PCDHA7: variants seen among roughly 807,000 people sequenced by gnomAD.
PCDHA7 encodes protocadherin alpha 7.
A neutral mutation model predicts 57.2 loss-of-function variants in PCDHA7; 37 were observed. The ratio of observed to expected loss-of-function variants is 0.65; its 90% CI spans 0.50 to 0.85. PCDHA7 has a LOEUF of 0.85. Among genes scored for constraint, PCDHA7 ranks in the 40% least tolerant of loss-of-function variants. The pLI, the probability that PCDHA7 is intolerant of heterozygous loss-of-function variation, is 0.00. For synonymous variants in PCDHA7, 553 were observed against 558.8 expected, an observed-to-expected ratio of 0.99 and a Z score of 0.15; for missense variants, 1,188 against 1,241.8, an observed-to-expected ratio of 0.96 and a Z score of 0.65.
At chr5:141,006,215 TA>T (rs200576602) in intron 3 of PCDHA7, among the ~76,000 whole-genome samples, 4 of 151,640 alleles carry the variant, frequency 2.6e-5, no homozygotes, top group South Asian at 2.1e-4. Flanking sequence ...CATTTTTTTT[TA>T]AATTTTTTAT....
intron 1 of PCDHA7, chr5:140,862,802 T>C (rs1554156982): frequency 1.7e-6 from 1 of 577,736 alleles, no homozygotes; most frequent in Non-Finnish European, 3.3e-6. Flanking sequence ...GAGCTGGAGC[T>C]GCTGCAGTTC....
At chr5:140,889,415 G>A (rs192243576) in intron 1 of PCDHA7, among the ~76,000 whole-genome samples, 212 of 152,058 alleles carry the variant, frequency 1.4e-3, no homozygotes, top group African/African-American at 5.0e-3. Flanking sequence ...AGTCAGTTAC[G>A]TAGATAATAT....
chr5:140,967,282 G>T, intron 1 of PCDHA7: 1 of 1,613,078 alleles, frequency 6.2e-7, no homozygotes. Flanking sequence ...TAGAGAGTGC[G>T]CAGGACCCCG....
intron 1 of PCDHA7, chr5:140,877,932 A>G: frequency 7.1e-7 from 1 of 1,407,638 alleles, no homozygotes; most frequent in Non-Finnish European, 9.3e-7. Flanking sequence ...TTATGATTCT[A>G]TCCTTTAAAC....
intron 1 of PCDHA7, chr5:140,871,317 G>A: frequency 6.2e-7 from 1 of 1,614,080 alleles, no homozygotes; most frequent in Non-Finnish European, 8.5e-7. Flanking sequence ...AGCCCACGCT[G>A]GTGTGCTCCC....
At chr5:140,876,635 C>T (rs1554168754) in intron 1 of PCDHA7, 1 of 1,614,208 alleles carries the variant, frequency 6.2e-7, no homozygotes, top group East Asian at 2.2e-5. Flanking sequence ...GTCATCTGCT[C>T]ACTGACACCT....
chr5:140,863,388 C>A (rs2047990567), intron 1 of PCDHA7: 2 of 1,000,024 alleles, frequency 2.0e-6, no homozygotes, highest in African/African-American at 1.6e-5. Context: ...AGAGCTCGTG[C>A]ATGCCGGGCA....
chr5:140,926,526 C>G (rs2083305621), intron 1 of PCDHA7: 1 of 209,510 alleles, frequency 4.8e-6, no homozygotes, highest in Non-Finnish European at 9.3e-6. Flanking sequence ...GCCCTGCGCC[C>G]GCAGCCAGCG....
rs1167217103 is a variant in PCDHA7, at chr5:140,852,143, C to G, written c.2355+15405C>G. 4 of 873,950 alleles carry G rather than the reference C, an allele frequency of 4.6e-6. No individual in the cohort carries two copies. The African/African-American group carries it at 7.3e-5, about 16-fold the overall frequency. 54.1% of individuals were successfully genotyped at this position (873,950 alleles called of 1,614,324 possible). A position where few individuals can be genotyped will look rare whatever the true frequency, so the allele number is the denominator to read the frequency against. ...AATTAAAAACTCAGTAGAGAAAGAT[C>G]AGAATGGCCTTGAGAATAGAGCCAC... is the stretch of plus-strand genomic sequence containing the variant. On this transcript the variant is annotated intron_variant, in intron 1 of 3. Transcript: ENST00000525929.
chr5:140,909,072 C>A (rs2074300655), intron 1 of PCDHA7, among the ~76,000 whole-genome samples: 1 of 152,162 alleles, frequency 6.6e-6, no homozygotes, highest in African/African-American at 2.4e-5. Flanking sequence ...CCAATAAGCC[C>A]AGTGTGTTTG....
At chr5:140,851,069 A>T in intron 1 of PCDHA7, 1 of 1,353,390 alleles carries the variant, frequency 7.4e-7, no homozygotes, top group Non-Finnish European at 9.7e-7. Flanking sequence ...TCTAGTGAGA[A>T]TTATAAACTG....
chr5:140,976,354 C>A (rs1331334402), intron 1 of PCDHA7, among the ~76,000 whole-genome samples: 2 of 151,960 alleles, frequency 1.3e-5, no homozygotes, highest in Non-Finnish European at 2.9e-5. Context: ...TGTTCAAGAC[C>A]AGCCTGGCCA....
intron 1 of PCDHA7, among the ~76,000 whole-genome samples, chr5:140,938,406 T>C (rs1283027205): frequency 6.6e-6 from 1 of 152,240 alleles, no homozygotes; most frequent in African/African-American, 2.4e-5. Flanking sequence ...ATTGTTTGAT[T>C]GGGTTTATTT....
intron 1 of PCDHA7, among the ~76,000 whole-genome samples, chr5:140,914,284 G>T (rs781914384): frequency 9.9e-5 from 15 of 152,022 alleles, no homozygotes; most frequent in Non-Finnish European, 2.1e-4. Flanking sequence ...ATTTATAATT[G>T]TTATATCCTC....
chr5:140,870,242 T>A (rs1554163936), intron 1 of PCDHA7: 1 of 1,614,142 alleles, frequency 6.2e-7, no homozygotes, highest in East Asian at 2.2e-5. Flanking sequence ...GACTCAGGTG[T>A]CAACGGACAG....
chr5:140,863,121 G>A, intron 1 of PCDHA7: 2 of 592,122 alleles, frequency 3.4e-6, no homozygotes, highest in South Asian at 2.7e-5. Context: ...CGAAAGCTAC[G>A]CGCCACCGCC....
At chr5:140,987,668 G>C (rs1262402590) in intron 3 of PCDHA7, among the ~76,000 whole-genome samples, 1 of 152,082 alleles carries the variant, frequency 6.6e-6, no homozygotes, top group Non-Finnish European at 1.5e-5. Context: ...GAACAATCAG[G>C]GTTTAGTAAA....
At chr5:140,988,634 T>G (rs1405160822) in intron 3 of PCDHA7, among the ~76,000 whole-genome samples, 1 of 152,218 alleles carries the variant, frequency 6.6e-6, no homozygotes, top group Non-Finnish European at 1.5e-5. Flanking sequence ...GTCCTGGTTT[T>G]CTGAAATTAA....
At chr5:140,868,767 C>A in intron 1 of PCDHA7, 1 of 249,464 alleles carries the variant, frequency 4.0e-6, no homozygotes, top group East Asian at 8.4e-5. Context: ...TATTTAGTTT[C>A]AATATGACTT....
Sources: allele counts gnomAD v4.1 joint callset (sites outside exome capture counted in the v4.1 genomes callset), GRCh38; gene constraint gnomAD v4.1.1; transcripts MANE v1.5; gene names NCBI Gene and HGNC (gene_info 2026-07-23, HGNC 2026-07-21).